NEXN: variants seen among roughly 807,000 people sequenced by gnomAD.
NEXN encodes nexilin.
Under a neutral mutation model 92.6 loss-of-function variants are expected in NEXN, and 65 were observed. That is an observed-to-expected ratio of 0.70 (90% CI 0.57 to 0.86). The LOEUF (loss-of-function observed/expected upper bound fraction) is 0.86. NEXN is among the 40% of genes least tolerant of loss of function. The pLI, the probability that NEXN is intolerant of heterozygous loss-of-function variation, is 0.00. For synonymous variants in NEXN, 254 were observed against 242.5 expected (o/e 1.05, Z -0.44); for missense variants, 778 against 771.1 (o/e 1.01, Z -0.11).
intron 11 of NEXN, among the ~76,000 whole-genome samples, chr1:77,938,589 CAAAA>C (rs11286873): frequency 8.4e-6 from 1 of 119,174 alleles, no homozygotes; most frequent in Admixed American, 8.4e-5. Flanking sequence ...AAGACTGTCT[CAAAA>C]AAAAAAAAAA....
Position 77,917,972 on chromosome 1 carries a change from C to G in NEXN, c.232C>G (p.Leu78Val). The G allele has an allele frequency of 1.2e-6, 2 of 1,612,406 alleles. No homozygotes were observed. Among genetic ancestry groups the G allele is most frequent in the Non-Finnish European group, 8.5e-7 (1 of 1,178,908 alleles). ...TTTAACCATCTAGATTAAAGAAATG[C>G]TTGCTTCTGATGATGAGGAAGATGT... ...NRRKQEIKEM[L>V]ASDDEEDVSS... The change falls in exon 4 of 13, where the codon CTT becomes GTT. Residue 78 changes from leucine to valine, a missense_variant. Leu to Val is a conservative substitution (Grantham distance 32, BLOSUM62 1). Around this residue, in one of 3 missense-constraint regions of NEXN, gnomAD observed 236 missense variants for 265.6 expected, o/e 0.89. Coordinates refer to ENST00000334785, the MANE Select transcript of NEXN (RefSeq NM_144573.4).
intron 5 of NEXN, among the ~76,000 whole-genome samples, chr1:77,922,004 G>A (rs1649458130): frequency 6.6e-6 from 1 of 152,088 alleles, no homozygotes; most frequent in Non-Finnish European, 1.5e-5. Flanking sequence ...CGGGGCTCAA[G>A]AGATCCTCCC....
chr1:77,909,418 C>T (rs1648388237), intron 1 of NEXN, among the ~76,000 whole-genome samples: 1 of 152,024 alleles, frequency 6.6e-6, no homozygotes, highest in East Asian at 1.9e-4. Flanking sequence ...AAAACTTCAT[C>T]TCAATAAATA....
intron 1 of NEXN, among the ~76,000 whole-genome samples, chr1:77,911,155 C>G (rs1648547451): frequency 1.3e-5 from 2 of 152,130 alleles, no homozygotes; most frequent in African/African-American, 4.8e-5. Flanking sequence ...AATTATACTT[C>G]TGTATGCAGG....
chr1:77,943,021 ACTT>A lies in NEXN; in HGVS notation c.*196_*198del. 1.5e-6 allele frequency: 1 copy of A among 679,430 alleles called. No individual in the cohort carries two copies. The highest frequency in any genetic ancestry group is 2.6e-6 in the Non-Finnish European group (1 of 380,738). The allele number at this position is 679,430 out of a possible 1,614,324, so 42.1% of individuals were successfully genotyped here. A position where few individuals can be genotyped will look rare whatever the true frequency, so the allele number is the denominator to read the frequency against. ...GGAAACCAGGAGTGCCACTATGCTG[ACTT>A]CTTATTCCTTTTCATAACAGTCTTC... On this transcript the variant is annotated 3_prime_UTR_variant, in exon 13 of 13. Coordinates refer to ENST00000334785, the MANE Select transcript of NEXN (RefSeq NM_144573.4).
intron 5 of NEXN, among the ~76,000 whole-genome samples, chr1:77,920,832 G>A (rs1459158764): frequency 3.3e-5 from 5 of 152,006 alleles, no homozygotes; most frequent in Admixed American, 2.6e-4. Flanking sequence ...AGAAAAGGGA[G>A]AGAAGGAAGT....
At position 77,942,688 on chromosome 1, in the gene NEXN, A is replaced by G. The variant is rs727503346; in HGVS notation, c.1887A>G (p.Gln629=). The change falls in exon 13 of 13, where the codon CAA becomes CAG. Residue 629 remains glutamine (Q), a synonymous_variant. Coordinates refer to ENST00000334785, the MANE Select transcript of NEXN (RefSeq NM_144573.4). ...TACTGCAGGATGGAGAAGACTATCAATATATTGAAAGGGGAGAAACTTACT... is the reference window on the plus strand; with the variant it reads ...TACTGCAGGATGGAGAAGACTATCAGTATATTGAAAGGGGAGAAACTTACT... ...GEILQDGEDY[Q]YIERGETYCL... 3.1e-6 allele frequency: 5 copies of G among 1,613,814 alleles called. No homozygotes were observed. The highest frequency in any genetic ancestry group is 4.2e-6 in the Non-Finnish European group (5 of 1,179,738).
At position 77,926,476 on chromosome 1, in the gene NEXN, A is replaced by C. The variant is rs752119041; in HGVS notation, c.552A>C (p.Lys184Asn). Residue 184 changes from lysine to asparagine, a missense_variant, in exon 7 of 13, where the codon AAA becomes AAC. By Grantham distance (94) the Lys-to-Asn change is moderately conservative (BLOSUM62 0). This residue lies in a region of NEXN where 236 missense variants were observed against 265.6 expected (regional missense o/e 0.89). Transcript: ENST00000334785. ...VPVKSYKTSGKMKKNFEDLEK... is the reference protein window; with the variant it reads ...VPVKSYKTSGNMKKNFEDLEK... The stretch of plus-strand genomic sequence containing the variant: ...TCAAATCATATAAAACATCTGGAAA[A>C]ATGAAAAAGAATTTTGAGGATCTAG... 1.2e-6 allele frequency: 2 copies of C among 1,610,284 alleles called. No homozygotes were observed. The highest frequency in any genetic ancestry group is 1.7e-6 in the Non-Finnish European group (2 of 1,178,700).
chr1:77,904,749 T>C (rs1378724513), intron 1 of NEXN, among the ~76,000 whole-genome samples: 12 of 152,188 alleles, frequency 7.9e-5, no homozygotes, highest in Non-Finnish European at 4.4e-5. Flanking sequence ...GAATAGTGTA[T>C]ACTGCCTTTC....
intron 1 of NEXN, among the ~76,000 whole-genome samples, chr1:77,891,368 A>G (rs558535285): frequency 6.6e-6 from 1 of 152,094 alleles, no homozygotes; most frequent in Non-Finnish European, 1.5e-5. Flanking sequence ...TTGCATTGAC[A>G]TATCTCAATA....
intron 1 of NEXN, among the ~76,000 whole-genome samples, chr1:77,902,493 T>C (rs1002919098): frequency 6.6e-6 from 1 of 152,148 alleles, no homozygotes; most frequent in African/African-American, 2.4e-5. Context: ...ATGTACTACA[T>C]AGAGCCTAGG....
chr1:77,914,431 T>C (rs1648806808), intron 1 of NEXN, among the ~76,000 whole-genome samples: 1 of 151,560 alleles, frequency 6.6e-6, no homozygotes, highest in African/African-American at 2.4e-5. Flanking sequence ...AAAAAAAAGT[T>C]GGCTAGAAAA....
rs189441707 is a variant in NEXN at position 77,927,988 on chromosome 1, A to T, written c.864+1096A>T. 7.2e-5 allele frequency among the ~76,000 whole-genome samples: 11 copies of T among 152,238 alleles called. 1 individual carries two copies. The East Asian group carries it at 1.9e-3, about 27-fold the overall frequency. On this transcript the variant is annotated intron_variant, in intron 8 of 12. Transcript: ENST00000334785. The stretch of plus-strand genomic sequence containing the variant: ...CAACAGAAAGTAAAACTGAAATAAG[A>T]AAACACTGATTCCAAACCTCGTTTT...
At chr1:77,894,519 CA>C (rs1221986782) in intron 1 of NEXN, among the ~76,000 whole-genome samples, 4 of 151,946 alleles carry the variant, frequency 2.6e-5, no homozygotes, top group African/African-American at 4.8e-5. Context: ...GGGTTCACTG[CA>C]GTCTCTATGT....
chr1:77,916,135 T>TTA lies in NEXN; in HGVS notation c.27+2_27+3insTA. 1 of 1,602,754 alleles carries TTA rather than the reference T, an allele frequency of 6.2e-7. No homozygotes were observed. Among genetic ancestry groups the TTA allele is most frequent in the Non-Finnish European group, 8.5e-7 (1 of 1,173,056 alleles). Reference sequence around the variant, plus strand: ...AATGATATTTCCCAAAAGGCTGAGGTAAGTCTCAAAAGTAAAAATAAAAAT... The same window carrying TTA: ...AATGATATTTCCCAAAAGGCTGAGGTTAAAGTCTCAAAAGTAAAAATAAAAAT... On this transcript the variant is annotated splice_region_variant and intron_variant, in intron 2 of 12. Coordinates refer to ENST00000334785, the MANE Select transcript of NEXN (RefSeq NM_144573.4).
chr1:77,918,746 A>G (rs1394979221), intron 5 of NEXN, among the ~76,000 whole-genome samples: 1 of 152,052 alleles, frequency 6.6e-6, no homozygotes, highest in African/African-American at 2.4e-5. Flanking sequence ...CTAGAAGGAC[A>G]TGGGCAGAAT....
intron 8 of NEXN, 132 bp downstream of exon 8, chr1:77,927,024 T>C: frequency 8.2e-7 from 1 of 1,223,492 alleles, no homozygotes. Context: ...TCATATTTCA[T>C]ATATAAAATA....
intron 1 of NEXN, among the ~76,000 whole-genome samples, chr1:77,894,536 C>G (rs147214038): frequency 4.9e-4 from 74 of 151,538 alleles, no homozygotes; most frequent in African/African-American, 1.7e-3. Context: ...TATGTCCCAG[C>G]TTCAAGCAGT....
In NEXN at chr1:77,942,052, A is replaced by T; in HGVS notation, c.1503A>T (p.Arg501Ser). 1 of 1,613,500 alleles carries T rather than the reference A, an allele frequency of 6.2e-7. No individual in the cohort carries two copies. Among genetic ancestry groups the T allele is most frequent in the Non-Finnish European group, 8.5e-7 (1 of 1,179,584 alleles). ...ATGATGTTGATGTTAGGCCTGCAAG[A>T]AAAAGCGAGGCTCCATTTACTCACA... is the stretch of plus-strand genomic sequence containing the variant. ...EEDDVDVRPA[R>S]KSEAPFTHKV... The change falls in exon 12 of 13, where the codon AGA becomes AGT. Residue 501 changes from arginine (R) to serine (S), a missense_variant. Transcript: ENST00000334785.
Sources: allele counts gnomAD v4.1 joint callset (sites outside exome capture counted in the v4.1 genomes callset), GRCh38; gene constraint gnomAD v4.1.1; regional missense constraint gnomAD v4.1.1; transcripts MANE v1.5; gene names NCBI Gene and HGNC (gene_info 2026-07-23, HGNC 2026-07-21).